Variants in IPCEF1 observed in about 807,000 individuals in gnomAD.
IPCEF1 encodes the protein interaction protein for cytohesin exchange factors 1.
In IPCEF1, 31 loss-of-function variants were observed where a neutral mutation model predicts 50.9. The observed-to-expected ratio is 0.61, with a 90% CI of 0.46 to 0.82. The LOEUF is 0.82. Ranked by LOEUF, IPCEF1 falls within the 40% of genes least tolerant of loss-of-function variation. The pLI is 0.00. For synonymous variants in IPCEF1, 181 were observed against 192.0 expected, an observed-to-expected ratio of 0.94 and a Z score of 0.47; for missense variants, 458 against 514.0, an observed-to-expected ratio of 0.89 and a Z score of 1.05.
chr6:154,180,851 A>C lies in IPCEF1; in HGVS notation c.911-12738T>G, dbSNP rs534609079. On this transcript the variant is annotated intron_variant, in intron 10 of 11. Coordinates refer to ENST00000367220, the MANE Select transcript of IPCEF1 (RefSeq NM_001130700.2). The stretch of plus-strand genomic sequence containing the variant: ...ATGTCTAAATGATGTCCCAGGGAAG[A>C]TAATTTTAGTTCCCCAACATGCAAC... Among the ~76,000 whole-genome samples the C allele has an allele frequency of 1.2e-4, 18 of 152,346 alleles. 1 individual carries two copies. The East Asian group carries it at 3.3e-3, about 28-fold the overall frequency.
At position 154,322,960 on chromosome 6, in the gene IPCEF1, C is replaced by G. The variant is rs144798561; in HGVS notation, c.-61-33204G>C. ...CATTCAAACAAATACACAACAAAAACAAAACAAATATATGAAACAGTTAGA... is the reference window on the plus strand; with the variant it reads ...CATTCAAACAAATACACAACAAAAAGAAAACAAATATATGAAACAGTTAGA... On this transcript the variant is annotated intron_variant, in intron 1 of 11. Transcript: ENST00000367220. Among the ~76,000 whole-genome samples the G allele has an allele frequency of 1.5e-3, 230 of 151,982 alleles. 1 individual carries two copies. The highest frequency in any genetic ancestry group is 5.4e-3 in the African/African-American group (223 of 41,440).
chr6:154,236,487 A>G (rs990385579), intron 5 of IPCEF1, among the ~76,000 whole-genome samples: 1 of 152,208 alleles, frequency 6.6e-6, no homozygotes, highest in African/African-American at 2.4e-5. Flanking sequence ...ACGGTTGCAC[A>G]GTAATAAGAA....
chr6:154,307,599 G>GAACT (rs1782969326), intron 1 of IPCEF1, among the ~76,000 whole-genome samples: 1 of 152,170 alleles, frequency 6.6e-6, no homozygotes, highest in Non-Finnish European at 1.5e-5. Flanking sequence ...CCGTGGTCCA[G>GAACT]AACTGTCTTT....
chr6:154,295,695 T>C (rs1782632327), intron 1 of IPCEF1, among the ~76,000 whole-genome samples: 1 of 152,250 alleles, frequency 6.6e-6, no homozygotes, highest in East Asian at 1.9e-4. Context: ...TTTGTGGATC[T>C]GAGTCCATCA....
chr6:154,334,379 G>A (rs1274930131), intron 1 of IPCEF1, among the ~76,000 whole-genome samples: 3 of 152,096 alleles, frequency 2.0e-5, no homozygotes, highest in Non-Finnish European at 4.4e-5. Context: ...AAAGTGGAAG[G>A]GTTACAGTAC....
In IPCEF1 at chr6:154,212,752, A is replaced by G; in HGVS notation, c.537+18T>C. Reference sequence around the variant, plus strand: ...ATGTCTGATCGATGACCAACAGACTACTTATGTCGGTACATACCAAAGACT... The same window carrying G: ...ATGTCTGATCGATGACCAACAGACTGCTTATGTCGGTACATACCAAAGACT... On this transcript the variant is annotated intron_variant, in intron 9 of 11. Coordinates refer to ENST00000367220, the MANE Select transcript of IPCEF1 (RefSeq NM_001130700.2). The G allele has an allele frequency of 6.5e-7, 1 of 1,531,320 alleles. No homozygotes were observed. The allele number at this position is 1,531,320 out of a possible 1,614,324, so 94.9% of individuals were successfully genotyped here. A position where few individuals can be genotyped will look rare whatever the true frequency, so the allele number is the denominator to read the frequency against.
intron 1 of IPCEF1, among the ~76,000 whole-genome samples, chr6:154,321,791 A>C: frequency 6.7e-6 from 1 of 148,646 alleles, no homozygotes; most frequent in Non-Finnish European, 1.5e-5. Context: ...AAAAAAAAAA[A>C]AAAAAAAAAA....
At chr6:154,344,811 G>T (rs1270853328) in intron 1 of IPCEF1, among the ~76,000 whole-genome samples, 2 of 152,120 alleles carry the variant, frequency 1.3e-5, no homozygotes, top group Non-Finnish European at 2.9e-5. Flanking sequence ...CCTGGATCAT[G>T]CTCTCTCTAA....
intron 1 of IPCEF1, among the ~76,000 whole-genome samples, chr6:154,318,712 C>CAAAAA (rs57436031): frequency 2.1e-4 from 21 of 98,782 alleles, no homozygotes; most frequent in African/African-American, 6.8e-4. Context: ...GACCCTGTCT[C>CAAAAA]AAAAAAAAAA....
chr6:154,327,980 A>G (rs776546178), intron 1 of IPCEF1, among the ~76,000 whole-genome samples: 3 of 152,208 alleles, frequency 2.0e-5, no homozygotes, highest in Non-Finnish European at 4.4e-5. Flanking sequence ...AGAGACAACC[A>G]AATACAACAT....
intron 1 of IPCEF1, among the ~76,000 whole-genome samples, chr6:154,307,829 T>G (rs967106369): frequency 1.3e-5 from 2 of 152,180 alleles, no homozygotes; most frequent in African/African-American, 4.8e-5. Flanking sequence ...AATGAATGTG[T>G]GCTCACAGCA....
intron 1 of IPCEF1, among the ~76,000 whole-genome samples, chr6:154,292,578 T>A (rs2128669894): frequency 6.6e-6 from 1 of 152,208 alleles, no homozygotes; most frequent in Non-Finnish European, 1.5e-5. Context: ...CACCCTAGAG[T>A]AAGAAACTCT....
intron 1 of IPCEF1, among the ~76,000 whole-genome samples, chr6:154,310,200 G>C (rs1387774625): frequency 1.3e-5 from 2 of 152,142 alleles, no homozygotes; most frequent in African/African-American, 4.8e-5. Context: ...GCTGAATCAA[G>C]ATGCCCACAT....
At chr6:154,317,885 C>G (rs1286705268) in intron 1 of IPCEF1, among the ~76,000 whole-genome samples, 1 of 152,114 alleles carries the variant, frequency 6.6e-6, no homozygotes, top group African/African-American at 2.4e-5. Flanking sequence ...AAAGATTTGT[C>G]TATGAATATT....
At chr6:154,344,627 G>A (rs570263992) in intron 1 of IPCEF1, among the ~76,000 whole-genome samples, 134 of 152,236 alleles carry the variant, frequency 8.8e-4, no homozygotes, top group African/African-American at 2.5e-3. Flanking sequence ...TCAATATGCC[G>A]GAGCACGAAT....
chr6:154,289,327 C>A (rs1782452589), intron 2 of IPCEF1, among the ~76,000 whole-genome samples: 1 of 151,700 alleles, frequency 6.6e-6, no homozygotes. Flanking sequence ...AGTAAGTACT[C>A]CATTTCTAGA....
chr6:154,334,988 G>GT (rs1197285518), intron 1 of IPCEF1, among the ~76,000 whole-genome samples: 1 of 152,026 alleles, frequency 6.6e-6, no homozygotes, highest in South Asian at 2.1e-4. Context: ...AAGAATAATT[G>GT]TTTTTTTCTT....
chr6:154,286,183 G>A (rs1389697772), intron 2 of IPCEF1, among the ~76,000 whole-genome samples: 1 of 152,060 alleles, frequency 6.6e-6, no homozygotes, highest in Non-Finnish European at 1.5e-5. Flanking sequence ...ACACACCAGG[G>A]CCTGTCTGGG....
intron 1 of IPCEF1, among the ~76,000 whole-genome samples, chr6:154,339,356 T>C (rs1244044570): frequency 6.6e-6 from 1 of 152,166 alleles, no homozygotes; most frequent in Non-Finnish European, 1.5e-5. Flanking sequence ...CCATGAATTC[T>C]CAAAATAGTG....
Sources: gnomAD v4.1 joint callset for allele counts (sites outside exome capture counted in the v4.1 genomes callset) on GRCh38, gnomAD v4.1.1 for gene constraint, MANE v1.5 for transcripts, NCBI Gene and HGNC (gene_info 2026-07-23, HGNC 2026-07-21) for gene names.